ABCB11: variants seen among roughly 807,000 people sequenced by gnomAD.
The protein encoded by ABCB11 is ATP binding cassette subfamily B member 11.
A neutral mutation model predicts 148.0 loss-of-function variants in ABCB11; 95 were observed. The observed-to-expected ratio is 0.64, with a 90% CI of 0.54 to 0.76. The LOEUF is 0.76. ABCB11 is among the 30% of genes least tolerant of loss of function. The pLI is 0.00. For synonymous variants in ABCB11, 591 were observed against 555.4 expected (o/e 1.06, Z -0.90); for missense variants, 1,523 against 1,617.8 (o/e 0.94, Z 1.01).
chr2:168,955,548 C>T (rs1012123446), intron 19 of ABCB11, among the ~76,000 whole-genome samples: 4 of 151,570 alleles, frequency 2.6e-5, no homozygotes, highest in African/African-American at 9.7e-5. Flanking sequence ...ATCTAGTCAC[C>T]TTCCACCAGT....
Position 169,018,104 on chromosome 2 carries a change from G to A in ABCB11, c.22C>T (p.Arg8Ter), listed in dbSNP as rs886043986. ...TCCTCTCCAAATTTCTTTATACTTC[G>A]AAGAATTACTGAGTCAGACATGGTA... MSDSVILRSIKKFGEEND... is the reference protein window; with the variant it reads MSDSVIL Residue 8 changes from arginine (R) to a stop codon, truncating the protein, a stop_gained, in exon 2 of 28, where the codon CGA (arginine) becomes TGA (stop). Coordinates refer to ENST00000650372, the MANE Select transcript of ABCB11 (RefSeq NM_003742.4). LOFTEE classifies it high-confidence loss of function. 6 of 1,613,408 alleles carry A rather than the reference G, an allele frequency of 3.7e-6. No individual in the cohort carries two copies. Among genetic ancestry groups the A allele is most frequent in the South Asian group, 1.1e-5 (1 of 91,064 alleles).
chr2:168,935,683 G>A (rs1342273301), intron 22 of ABCB11, among the ~76,000 whole-genome samples: 1 of 152,036 alleles, frequency 6.6e-6, no homozygotes, highest in Non-Finnish European at 1.5e-5. Flanking sequence ...ACCCCCCAAG[G>A]ACAAGATATT....
intron 18 of ABCB11, among the ~76,000 whole-genome samples, chr2:168,962,681 A>G (rs1693128808): frequency 6.6e-6 from 1 of 151,740 alleles, no homozygotes; most frequent in African/African-American, 2.4e-5. Context: ...AGAAATGTCA[A>G]TGTAGTGTTT....
intron 19 of ABCB11, among the ~76,000 whole-genome samples, chr2:168,954,516 T>G (rs1417387846): frequency 6.6e-6 from 1 of 151,610 alleles, no homozygotes; most frequent in Non-Finnish European, 1.5e-5. Flanking sequence ...GCTGACAGTT[T>G]TTTTTTTCCT....
chr2:169,001,095 C>T (rs1014676976), intron 5 of ABCB11, among the ~76,000 whole-genome samples: 7 of 152,110 alleles, frequency 4.6e-5, no homozygotes, highest in African/African-American at 1.7e-4. Flanking sequence ...ATAAAGATTA[C>T]CTCCCATTAC....
chr2:169,005,837 C>T (rs1695002818), intron 5 of ABCB11, among the ~76,000 whole-genome samples: 1 of 151,938 alleles, frequency 6.6e-6, no homozygotes, highest in Non-Finnish European at 1.5e-5. Flanking sequence ...TTTTATGTGC[C>T]AAATTAAAAA....
chr2:168,963,458 T>C (rs1467194973), intron 18 of ABCB11, among the ~76,000 whole-genome samples: 1 of 151,678 alleles, frequency 6.6e-6, no homozygotes, highest in African/African-American at 2.4e-5. Context: ...AGGGCTGACA[T>C]GTAACGTGCA....
chr2:169,020,189 A>T (rs1695493234), intron 1 of ABCB11, among the ~76,000 whole-genome samples: 1 of 152,196 alleles, frequency 6.6e-6, no homozygotes, highest in South Asian at 2.1e-4. Flanking sequence ...TGTTATGACA[A>T]TCTGAGGACA....
rs2105934712 is a variant in ABCB11 at position 168,957,962 on chromosome 2, A to G, written c.2343+2T>C. ...AGAAAGCTAGTCCAGCTGTGTACTT[A>G]CCCCAAGAATCTGGCTGAATAAAAA... is the stretch of plus-strand genomic sequence containing the variant. On this transcript the variant is annotated splice_donor_variant, in intron 19 of 27. Coordinates refer to ENST00000650372, the MANE Select transcript of ABCB11 (RefSeq NM_003742.4). LOFTEE classifies it high-confidence loss of function. 1.3e-6 allele frequency: 2 copies of G among 1,564,316 alleles called. No individual in the cohort carries two copies. The highest frequency in any genetic ancestry group is 1.3e-5 in the African/African-American group (1 of 74,162).
At chr2:168,930,954 G>T in intron 24 of ABCB11, 92 bp from the exon 25 acceptor site, 1 of 1,163,138 alleles carries the variant, frequency 8.6e-7, no homozygotes, top group Non-Finnish European at 1.2e-6. Context: ...ATCCCTGCTT[G>T]AGATACCTTC....
At chr2:169,002,949 T>A (rs1199053083) in intron 5 of ABCB11, among the ~76,000 whole-genome samples, 2 of 152,250 alleles carry the variant, frequency 1.3e-5, no homozygotes, top group Non-Finnish European at 1.5e-5. Flanking sequence ...TTATTATTTT[T>A]AAAAAATTTT....
intron 5 of ABCB11, among the ~76,000 whole-genome samples, chr2:169,010,704 C>T (rs930768431): frequency 1.3e-5 from 2 of 152,138 alleles, no homozygotes; most frequent in Non-Finnish European, 2.9e-5. Context: ...CTCTGTCCCA[C>T]CCAAGTCATA....
chr2:168,960,971 A>T (rs201878498), intron 18 of ABCB11, among the ~76,000 whole-genome samples: 3 of 58,498 alleles, frequency 5.1e-5, no homozygotes, highest in East Asian at 1.4e-3. Flanking sequence ...CAGCACTTTT[A>T]AAAAAAATCA....
At chr2:168,973,163 T>C (rs2389608) in intron 13 of ABCB11, among the ~76,000 whole-genome samples, 86,960 of 151,744 alleles carry the variant, frequency 0.57, 25,191 homozygotes, top group East Asian at 0.75. Flanking sequence ...GAATAGACAG[T>C]TCACTGAAGA....
chr2:169,008,766 T>C (rs1458820805), intron 5 of ABCB11, among the ~76,000 whole-genome samples: 1 of 152,186 alleles, frequency 6.6e-6, no homozygotes, highest in Non-Finnish European at 1.5e-5. Flanking sequence ...AGAGTTACCA[T>C]GTGATACAGC....
Position 168,969,468 on chromosome 2 carries a change from A to G in ABCB11, c.1893T>C (p.His631=), listed in dbSNP as rs1574447074. 2.5e-6 allele frequency: 4 copies of G among 1,612,566 alleles called. No individual in the cohort carries two copies. In the East Asian group the frequency reaches 8.9e-5, roughly 36 times the overall value. The stretch of plus-strand genomic sequence containing the variant: ...GGGTCCCTCTTTCCACTGCAGTGCC[A>G]TGTTCAAAACCAATGATGGTATCTG... ...RAADTIIGFE[H]GTAVERGTHE... The change falls in exon 16 of 28, where the codon CAT becomes CAC. Residue 631 remains histidine (H), a synonymous_variant. Coordinates refer to ENST00000650372, the MANE Select transcript of ABCB11 (RefSeq NM_003742.4).
intron 22 of ABCB11, 121 bp downstream of exon 22, chr2:168,936,109 T>C: frequency 1.0e-6 from 1 of 977,230 alleles, no homozygotes; most frequent in Non-Finnish European, 1.5e-6. Context: ...GGAAGGTTCT[T>C]AAGTGTGCCT....
rs1160506637 is a variant in ABCB11 at position 168,975,236 on chromosome 2, AATATT to A, written c.1308+1336_1308+1340del. ...TTAAATATTTATAGATAAATATATAAATATTTAAATATTTTTATATTTAAATATTT... is the reference window on the plus strand; with the variant it reads ...TTAAATATTTATAGATAAATATATAATAAATATTTTTATATTTAAATATTT... On this transcript the variant is annotated intron_variant, in intron 12 of 27. Transcript: ENST00000650372. Among the ~76,000 whole-genome samples, 255 of 79,712 alleles carry A rather than the reference AATATT, an allele frequency of 3.2e-3. 32 individuals are homozygous for A. The highest frequency in any genetic ancestry group is 0.015 in the African/African-American group (223 of 15,008). The allele number at this position is 79,712 out of a possible 152,430, so 52.3% of individuals were successfully genotyped here. A position where few individuals can be genotyped will look rare whatever the true frequency, so the allele number is the denominator to read the frequency against.
At position 168,970,090 on chromosome 2, in the gene ABCB11, A is replaced by C; in HGVS notation, c.1764T>G (p.Ala588=). 2.5e-6 allele frequency: 4 copies of C among 1,612,946 alleles called. No individual in the cohort carries two copies. Among genetic ancestry groups the C allele is most frequent in the Non-Finnish European group, 3.4e-6 (4 of 1,179,254 alleles). ...KILLLDMATS[A]LDNESEAMVQ... ...CCATGGCTTCACTCTCATTGTCCAG[A>C]GCTGAGGTGGCCATGTCCAAAAGCA... Residue 588 remains alanine, a synonymous_variant, in exon 15 of 28, where the codon GCT becomes GCG. Transcript: ENST00000650372.
Sources: allele counts gnomAD v4.1 joint callset (sites outside exome capture counted in the v4.1 genomes callset), GRCh38; gene constraint gnomAD v4.1.1; transcripts MANE v1.5; gene names NCBI Gene and HGNC (gene_info 2026-07-23, HGNC 2026-07-21).